The following KDM4C variants were observed in gnomAD, a reference collection of about 807,000 sequenced individuals.
KDM4C encodes lysine-specific demethylase 4C.
A neutral mutation model predicts 129.3 loss-of-function variants in KDM4C; 81 were observed. The ratio of observed to expected loss-of-function variants is 0.63; its 90% CI spans 0.52 to 0.75. The LOEUF (loss-of-function observed/expected upper bound fraction) is 0.75. Among genes scored for constraint, KDM4C ranks in the 30% least tolerant of loss-of-function variants. The probability of loss-of-function intolerance (pLI) is 0.00; values close to 1 mark genes in which losing one functional copy is unlikely to be tolerated. For missense variants in KDM4C, 1,457 were observed against 1,304.0 expected (o/e 1.12, Z -1.81); for synonymous variants, 573 against 456.1 (o/e 1.26, Z -3.26).
intron 15 of KDM4C, among the ~76,000 whole-genome samples, chr9:7,016,701 C>T (rs1033035518): frequency 3.3e-5 from 5 of 152,090 alleles, no homozygotes; most frequent in Admixed American, 1.3e-4. Flanking sequence ...GCTAGGATTA[C>T]AGCCGTGAGC....
chr9:7,174,452 G>A, intron 21 of KDM4C, 101 bp from the exon 22 acceptor site: 1 of 1,087,204 alleles, frequency 9.2e-7, no homozygotes, highest in Non-Finnish European at 1.4e-6. Context: ...GGTGACCTGG[G>A]CATCTGCACC....
At chr9:6,957,474 A>G (rs1363029168) in intron 8 of KDM4C, among the ~76,000 whole-genome samples, 1 of 151,870 alleles carries the variant, frequency 6.6e-6, no homozygotes, top group Non-Finnish European at 1.5e-5. Flanking sequence ...CCACTTTTAG[A>G]GCTTGTTAAT....
chr9:6,838,020 T>C (rs1836204483), intron 4 of KDM4C, among the ~76,000 whole-genome samples: 2 of 152,314 alleles, frequency 1.3e-5, no homozygotes, highest in Middle Eastern at 3.4e-3. Context: ...TATATTCTGG[T>C]TAACTACTTT....
In KDM4C at chr9:7,013,675, A is replaced by G. The variant is rs1823108268; in HGVS notation, c.1969-113A>G. The G allele has an allele frequency of 3.1e-6, 3 of 976,612 alleles. No homozygotes were observed. In the Admixed American group the frequency reaches 7.9e-5, roughly 26 times the overall value. The allele number at this position is 976,612 out of a possible 1,614,324, so 60.5% of individuals were successfully genotyped here. On this transcript the variant is annotated intron_variant, in intron 13 of 21. Coordinates refer to ENST00000381309, the MANE Select transcript of KDM4C (RefSeq NM_015061.6). ...TAGTTTGGTCAAGGAGAACAACAGG[A>G]AGAACAAAAGTTAGAAGTTAGTGTC... is the stretch of plus-strand genomic sequence containing the variant.
intron 8 of KDM4C, among the ~76,000 whole-genome samples, chr9:6,962,026 G>C (rs1830133665): frequency 6.6e-6 from 1 of 152,166 alleles, no homozygotes; most frequent in Non-Finnish European, 1.5e-5. Context: ...ACTTCGTTAT[G>C]TACTTATGTC....
At chr9:6,914,330 A>C (rs1819911619) in intron 8 of KDM4C, among the ~76,000 whole-genome samples, 1 of 152,164 alleles carries the variant, frequency 6.6e-6, no homozygotes, top group Non-Finnish European at 1.5e-5. Context: ...AAGTGCTGGG[A>C]TTACAGGCTG....
At chr9:6,830,454 G>A (rs1834628125) in intron 4 of KDM4C, among the ~76,000 whole-genome samples, 7 of 152,154 alleles carry the variant, frequency 4.6e-5, no homozygotes. Flanking sequence ...GGTCACTGGT[G>A]CAGAGTTAGA....
chr9:6,939,089 A>G (rs540017413), intron 8 of KDM4C, among the ~76,000 whole-genome samples: 326 of 151,698 alleles, frequency 2.1e-3, no homozygotes, highest in Non-Finnish European at 3.7e-3. Flanking sequence ...AACAGGCCAC[A>G]GACTGCTTGT....
At chr9:6,934,058 C>T (rs1433865058) in intron 8 of KDM4C, among the ~76,000 whole-genome samples, 1 of 151,968 alleles carries the variant, frequency 6.6e-6, no homozygotes. Flanking sequence ...CCATGTTGGC[C>T]AGGCTGGTCT....
intron 18 of KDM4C, among the ~76,000 whole-genome samples, chr9:7,113,790 A>G (rs1156673165): frequency 2.0e-5 from 3 of 152,226 alleles, no homozygotes; most frequent in Non-Finnish European, 2.9e-5. Context: ...AATGAGCTTC[A>G]GAGGACTGGT....
intron 17 of KDM4C, chr9:7,076,329 C>G (rs749350564): frequency 1.3e-6 from 1 of 767,576 alleles, no homozygotes; most frequent in Non-Finnish European, 2.3e-6. Context: ...AGTGTCTGAG[C>G]TGGGATTAAA....
upstream of KDM4C, among the ~76,000 whole-genome samples, chr9:6,756,747 A>G (rs1012505046): frequency 1.3e-5 from 2 of 152,142 alleles, no homozygotes; most frequent in Non-Finnish European, 1.5e-5. Flanking sequence ...GTGTAGCGGA[A>G]CTTTGTTTTT....
chr9:7,098,690 G>A (rs1289892596), intron 17 of KDM4C, among the ~76,000 whole-genome samples: 1 of 152,086 alleles, frequency 6.6e-6, no homozygotes, highest in African/African-American at 2.4e-5. Flanking sequence ...TAGCTGACTA[G>A]ATAAATTGAT....
rs141853418 is a variant in KDM4C, at chr9:6,730,187, T to C, written c.49+9190T>C. ...AGGCCTTGCAGCATTTTGGCTTTGC[T>C]TCTGCGAAGAAAAAGCAACAGGGCT... On this transcript the variant is annotated intron_variant, in intron 1 of 17. Transcript: ENST00000536108. 1.2e-3 allele frequency among the ~76,000 whole-genome samples: 179 copies of C among 152,324 alleles called. 2 individuals are homozygous for C. The East Asian group carries it at 0.022, about 19-fold the overall frequency.
chr9:7,003,650 C>G lies in KDM4C; in HGVS notation c.1787-8048C>G, dbSNP rs546444547. On this transcript the variant is annotated intron_variant, in intron 12 of 21. Coordinates refer to ENST00000381309, the MANE Select transcript of KDM4C (RefSeq NM_015061.6). ...TAGAATTCTCTGCTATCCATTATTA[C>G]ATTAGCATTTTGGGGGAACTGTAAT... Among the ~76,000 whole-genome samples, 7 of 152,250 alleles carry G rather than the reference C, an allele frequency of 4.6e-5. No homozygotes were observed. In the South Asian group the frequency reaches 1.5e-3, roughly 32 times the overall value.
intron 17 of KDM4C, among the ~76,000 whole-genome samples, chr9:7,093,653 C>T (rs934260269): frequency 1.3e-5 from 2 of 152,080 alleles, no homozygotes; most frequent in African/African-American, 2.4e-5. Context: ...CAGAAAAATA[C>T]TTTTTAGTAT....
chr9:6,993,821 A>G (rs972869659), intron 12 of KDM4C, among the ~76,000 whole-genome samples: 5 of 152,158 alleles, frequency 3.3e-5, no homozygotes, highest in Non-Finnish European at 2.9e-5. Context: ...GGTTTCCTGG[A>G]ATTGTAAAAT....
In KDM4C at chr9:6,791,475, C is replaced by T. The variant is rs546302517; in HGVS notation, c.-17-1497C>T. On this transcript the variant is annotated intron_variant, in intron 1 of 21. Coordinates refer to ENST00000381309, the MANE Select transcript of KDM4C (RefSeq NM_015061.6). ...TTTGGAAGGTGAAGACAGACCTCAT[C>T]CCTTTCTGTCTCCATCGTCATTCTT... 2.0e-5 allele frequency among the ~76,000 whole-genome samples: 3 copies of T among 152,282 alleles called. No individual in the cohort carries two copies. The South Asian group carries it at 6.2e-4, about 32-fold the overall frequency.
intron 2 of KDM4C, among the ~76,000 whole-genome samples, chr9:6,797,317 A>G (rs1374849965): frequency 6.6e-6 from 1 of 152,078 alleles, no homozygotes; most frequent in East Asian, 1.9e-4. Flanking sequence ...GATTTAATGA[A>G]TTGGTCTTAA....
Sources: gnomAD v4.1 joint callset for allele counts (sites outside exome capture counted in the v4.1 genomes callset) on GRCh38, gnomAD v4.1.1 for gene constraint, MANE v1.5 for transcripts, NCBI Gene and HGNC (gene_info 2026-07-23, HGNC 2026-07-21) for gene names.